Variants in CUX1 observed in about 807,000 individuals in gnomAD.
CUX1 encodes cut like homeobox 1.
Under a neutral mutation model 158.8 loss-of-function variants are expected in CUX1, and 31 were observed. The ratio of observed to expected loss-of-function variants is 0.20; its 90% CI spans 0.15 to 0.26. CUX1 has a LOEUF of 0.26. CUX1 is among the 10% of genes least tolerant of loss of function. The pLI is 1.00. For missense variants in CUX1, 1,589 were observed against 2,014.6 expected (o/e 0.79, Z 4.04); for synonymous variants, 879 against 862.1 (o/e 1.02, Z -0.34).
chr7:102,234,261 C>CG, intron 22 of CUX1, 21 bp downstream of exon 22: 1 of 1,498,596 alleles, frequency 6.7e-7, no homozygotes. Context: ...CTGCCCCGCC[C>CG]GGGCCGGCTG....
intron 2 of CUX1, among the ~76,000 whole-genome samples, chr7:101,986,277 C>G (rs1416381425): frequency 6.6e-6 from 1 of 152,216 alleles, no homozygotes; most frequent in Non-Finnish European, 1.5e-5. Flanking sequence ...AGGTCTGTCT[C>G]CCCTAAGAGG....
intron 9 of CUX1, among the ~76,000 whole-genome samples, chr7:102,164,305 G>A (rs1790773428): frequency 6.6e-6 from 1 of 152,240 alleles, no homozygotes; most frequent in African/African-American, 2.4e-5. Flanking sequence ...CTACAGGCAT[G>A]AGCTACTGCG....
At chr7:102,118,963 G>T (rs1554492625) in intron 8 of CUX1, among the ~76,000 whole-genome samples, 1 of 152,060 alleles carries the variant, frequency 6.6e-6, no homozygotes, top group African/African-American at 2.4e-5. Context: ...TGTTAGCCAG[G>T]ATGGTCTTGA....
Position 102,256,729 on chromosome 7 carries a change from C to G in CUX1, c.*7687C>G, listed in dbSNP as rs1236390560. ...AGTTCCCCAAAGCCTCCTAGAGCCT[C>G]TGGTAAGACTTCTGGGTTCATGAAG... On this transcript the variant is annotated 3_prime_UTR_variant, in exon 24 of 24. Coordinates refer to ENST00000292535, the MANE Select transcript of CUX1 (RefSeq NM_181552.4). 1 of 985,430 alleles carries G rather than the reference C, an allele frequency of 1.0e-6. No individual in the cohort carries two copies. The highest frequency in any genetic ancestry group is 6.1e-5 in the Admixed American group (1 of 16,284). The allele number at this position is 985,430 out of a possible 1,614,324, so 61.0% of individuals were successfully genotyped here.
chr7:101,821,857 G>GT (rs58248170), intron 1 of CUX1, among the ~76,000 whole-genome samples: 9,258 of 83,340 alleles, frequency 0.11, 574 homozygotes, highest in Non-Finnish European at 0.15. Context: ...TTGTTTTTTT[G>GT]TTTTTTTTTT....
chr7:101,840,029 T>G (rs552614349), intron 1 of CUX1, among the ~76,000 whole-genome samples: 3 of 152,356 alleles, frequency 2.0e-5, no homozygotes, highest in Non-Finnish European at 4.4e-5. Context: ...CTCAAAGTGC[T>G]GGGATTAGAG....
intron 23 of CUX1, among the ~76,000 whole-genome samples, chr7:102,246,353 T>C (rs1384627584): frequency 6.6e-6 from 1 of 152,154 alleles, no homozygotes; most frequent in African/African-American, 2.4e-5. Flanking sequence ...TCTGGGGGGC[T>C]TCTCAGAACC....
At chr7:102,197,713 C>G (rs965370764) in intron 15 of CUX1, among the ~76,000 whole-genome samples, 1 of 152,060 alleles carries the variant, frequency 6.6e-6, no homozygotes, top group Non-Finnish European at 1.5e-5. Flanking sequence ...TGACTGGGCT[C>G]GATCCTCATG....
intron 14 of CUX1, among the ~76,000 whole-genome samples, chr7:102,268,103 C>A (rs1160139384): frequency 3.9e-5 from 6 of 152,088 alleles, no homozygotes; most frequent in African/African-American, 1.4e-4. Context: ...CGTCTTGGGC[C>A]CTTGCACCAC....
intron 1 of CUX1, among the ~76,000 whole-genome samples, chr7:101,836,009 C>T (rs1173850780): frequency 4.6e-5 from 7 of 152,152 alleles, no homozygotes; most frequent in South Asian, 2.1e-4. Flanking sequence ...ATTACAGGCG[C>T]GAGCCACCGC....
intron 4 of CUX1, among the ~76,000 whole-genome samples, chr7:102,079,891 G>A (rs1377756727): frequency 6.6e-6 from 1 of 152,114 alleles, no homozygotes; most frequent in African/African-American, 2.4e-5. Flanking sequence ...CTCGGGGGAC[G>A]AGGCTGTATG....
intron 9 of CUX1, among the ~76,000 whole-genome samples, chr7:102,166,096 G>C (rs888970122): frequency 1.3e-5 from 2 of 152,160 alleles, no homozygotes; most frequent in Admixed American, 6.5e-5. Context: ...ACATGCCAGG[G>C]ACCTTCGTGA....
At chr7:102,042,304 A>T (rs565343261) in intron 3 of CUX1, among the ~76,000 whole-genome samples, 1 of 152,150 alleles carries the variant, frequency 6.6e-6, no homozygotes, top group Admixed American at 6.5e-5. Context: ...CTGGGGTGGA[A>T]CCTTAGAATC....
rs548512945 is a variant in CUX1, at chr7:102,048,658, G to A, written c.189+20513G>A. 1.8e-4 allele frequency among the ~76,000 whole-genome samples: 28 copies of A among 152,050 alleles called. No homozygotes were observed. The South Asian group carries it at 5.6e-3, about 30-fold the overall frequency. The stretch of plus-strand genomic sequence containing the variant: ...AGCCTGGCCAGCATGGTGAAACCCC[G>A]TCTCTACTAAAAATACAAAAATTAG... On this transcript the variant is annotated intron_variant, in intron 3 of 23. Coordinates refer to ENST00000292535, the MANE Select transcript of CUX1 (RefSeq NM_181552.4).
intron 2 of CUX1, among the ~76,000 whole-genome samples, chr7:102,009,765 T>G (rs1281431104): frequency 1.3e-5 from 2 of 152,258 alleles, no homozygotes; most frequent in Non-Finnish European, 2.9e-5. Context: ...CTTGGACTTC[T>G]TTATCTCTAG....
chr7:101,967,597 A>G (rs111809925), intron 2 of CUX1, among the ~76,000 whole-genome samples: 7 of 152,350 alleles, frequency 4.6e-5, no homozygotes, highest in African/African-American at 1.7e-4. Flanking sequence ...GTATGCGTCA[A>G]TGGTGAAAAA....
intron 2 of CUX1, among the ~76,000 whole-genome samples, chr7:101,922,891 A>T (rs2906654): frequency 0.22 from 34,160 of 152,256 alleles, 4,227 homozygotes; most frequent in East Asian, 0.49. Context: ...AGCAGCAGCT[A>T]TCTGGAAGCC....
At chr7:101,828,291 A>G (rs963540282) in intron 1 of CUX1, among the ~76,000 whole-genome samples, 1 of 151,832 alleles carries the variant, frequency 6.6e-6, no homozygotes, top group Non-Finnish European at 1.5e-5. Context: ...CACTTTTATT[A>G]TGGAAAAAAA....
chr7:102,015,745 C>T (rs965237295), intron 2 of CUX1, among the ~76,000 whole-genome samples: 1 of 152,172 alleles, frequency 6.6e-6, no homozygotes, highest in Non-Finnish European at 1.5e-5. Context: ...ATGCATCGTC[C>T]AGATCTGAGT....
Sources: gnomAD v4.1 joint callset for allele counts (sites outside exome capture counted in the v4.1 genomes callset) on GRCh38, gnomAD v4.1.1 for gene constraint, MANE v1.5 for transcripts, NCBI Gene and HGNC (gene_info 2026-07-23, HGNC 2026-07-21) for gene names.